TBC1D4: variants seen among roughly 807,000 people sequenced by gnomAD.
TBC1D4 encodes TBC (Tre-2, BUB2, CDC16) domain-containing protein.
In TBC1D4, 121 loss-of-function variants were observed where a neutral mutation model predicts 142.5. The ratio of observed to expected loss-of-function variants is 0.85; its 90% CI spans 0.73 to 0.99. The LOEUF (loss-of-function observed/expected upper bound fraction) is 0.99, where lower values mean the gene tolerates loss of function less well. Among genes scored for constraint, TBC1D4 ranks in the 50% least tolerant of loss-of-function variants. The pLI is 0.00. For missense variants in TBC1D4, 1,475 were observed against 1,606.6 expected (o/e 0.92, Z 1.40); for synonymous variants, 630 against 628.2 (o/e 1.00, Z -0.04).
chr13:75,383,904 A>G (rs1045979107), intron 1 of TBC1D4, among the ~76,000 whole-genome samples: 3 of 152,068 alleles, frequency 2.0e-5, no homozygotes, highest in African/African-American at 7.2e-5. Context: ...TCCTGGGTAC[A>G]TGGCCTACCA....
intron 3 of TBC1D4, among the ~76,000 whole-genome samples, chr13:75,357,832 C>T (rs1472267493): frequency 6.6e-6 from 1 of 152,126 alleles, no homozygotes; most frequent in East Asian, 1.9e-4. Context: ...TGACAATTAC[C>T]TCAATGAAAG....
At chr13:75,419,665 AGT>A (rs1441916273) in intron 1 of TBC1D4, among the ~76,000 whole-genome samples, 1 of 152,230 alleles carries the variant, frequency 6.6e-6, no homozygotes, top group Non-Finnish European at 1.5e-5. Flanking sequence ...GGGAGGCTGA[AGT>A]GGGCATCACA....
intron 20 of TBC1D4, among the ~76,000 whole-genome samples, chr13:75,287,472 G>A (rs952466051): frequency 6.6e-6 from 1 of 152,156 alleles, no homozygotes; most frequent in Non-Finnish European, 1.5e-5. Flanking sequence ...AGTAACTGAT[G>A]ATGACTACAC....
intron 1 of TBC1D4, among the ~76,000 whole-genome samples, chr13:75,471,923 G>A (rs1451709581): frequency 1.3e-5 from 2 of 150,444 alleles, no homozygotes; most frequent in East Asian, 2.0e-4. Flanking sequence ...CCTGGTCAAC[G>A]TGGTAAAACC....
chr13:75,398,103 T>C (rs4605022), intron 1 of TBC1D4, among the ~76,000 whole-genome samples: 137,145 of 152,254 alleles, frequency 0.9, 63,352 homozygotes, highest in East Asian at 1. Context: ...AGTCAAGGCT[T>C]CACACACAAG....
At chr13:75,352,632 G>A (rs1881693515) in intron 4 of TBC1D4, among the ~76,000 whole-genome samples, 1 of 152,128 alleles carries the variant, frequency 6.6e-6, no homozygotes, top group African/African-American at 2.4e-5. Flanking sequence ...AGAGGGAGAA[G>A]GAAAGAAGGG....
intron 1 of TBC1D4, among the ~76,000 whole-genome samples, chr13:75,388,722 T>A (rs1342820851): frequency 1.3e-5 from 2 of 152,208 alleles, no homozygotes; most frequent in Non-Finnish European, 2.9e-5. Context: ...GCTGACCCCC[T>A]GAAAATATTT....
Position 75,313,575 on chromosome 13 carries a change from G to A in TBC1D4, c.2223-677C>T, listed in dbSNP as rs146426660. Among the ~76,000 whole-genome samples, 49 of 152,314 alleles carry A rather than the reference G, an allele frequency of 3.2e-4. No individual in the cohort carries two copies. The East Asian group carries it at 6.2e-3, about 19-fold the overall frequency. Reference sequence around the variant, plus strand: ...CTCATTTTTTCACCCAGGCTGGAGCGCAGTGGCGCAATCACAGCTCATTGC... The same window carrying A: ...CTCATTTTTTCACCCAGGCTGGAGCACAGTGGCGCAATCACAGCTCATTGC... On this transcript the variant is annotated intron_variant, in intron 12 of 20. Coordinates refer to ENST00000377636, the MANE Select transcript of TBC1D4 (RefSeq NM_014832.5).
At chr13:75,466,836 AC>A (rs1216701186) in intron 1 of TBC1D4, among the ~76,000 whole-genome samples, 1 of 151,968 alleles carries the variant, frequency 6.6e-6, no homozygotes, top group Non-Finnish European at 1.5e-5. Context: ...ATGCCACTGC[AC>A]TCCAGCCTCG....
intron 1 of TBC1D4, among the ~76,000 whole-genome samples, chr13:75,439,702 G>C (rs1166581889): frequency 6.6e-6 from 1 of 151,980 alleles, no homozygotes; most frequent in Non-Finnish European, 1.5e-5. Flanking sequence ...CTGGAGTGCA[G>C]TGGCGCAGTC....
intron 1 of TBC1D4, among the ~76,000 whole-genome samples, chr13:75,364,234 A>C (rs1446673424): frequency 6.6e-6 from 1 of 152,158 alleles, no homozygotes; most frequent in African/African-American, 2.4e-5. Context: ...TATTTCTCCA[A>C]CATACAAGGC....
intron 13 of TBC1D4, among the ~76,000 whole-genome samples, chr13:75,312,463 G>T (rs1010804438): frequency 6.9e-6 from 1 of 144,956 alleles, no homozygotes; most frequent in Admixed American, 6.7e-5. Flanking sequence ...AGGACATACA[G>T]CTTCTTTCCT....
At chr13:75,404,465 GT>G (rs1885238809) in intron 1 of TBC1D4, among the ~76,000 whole-genome samples, 1 of 152,076 alleles carries the variant, frequency 6.6e-6, no homozygotes, top group Admixed American at 6.6e-5. Flanking sequence ...TTTCTCAGAC[GT>G]TCATTGTTTT....
rs1178917420 is a variant in TBC1D4 at position 75,284,144 on chromosome 13, G to GT, written c.*2647dup. ...GATGGGGTTTCACCATGCAGATCTT[G>GT]TAAAGCAGCGGTCTTCAACCTTCTT... On this transcript the variant is annotated 3_prime_UTR_variant, in exon 21 of 21. Coordinates refer to ENST00000377636, the MANE Select transcript of TBC1D4 (RefSeq NM_014832.5). 1.3e-5 allele frequency among the ~76,000 whole-genome samples: 2 copies of GT among 152,160 alleles called. No homozygotes were observed. The highest frequency in any genetic ancestry group is 2.9e-5 in the Non-Finnish European group (2 of 68,028).
chr13:75,481,540 C>G lies in TBC1D4; in HGVS notation c.228G>C (p.Ala76=), dbSNP rs200505658. 2.6e-4 allele frequency: 422 copies of G among 1,597,636 alleles called. 4 individuals are homozygous for G. The African/African-American group carries it at 4.8e-3, about 18-fold the overall frequency. Residue 76 remains alanine (A), a synonymous_variant, in exon 1 of 21, where the codon GCG becomes GCC. Coordinates refer to ENST00000377636, the MANE Select transcript of TBC1D4 (RefSeq NM_014832.5). ...SQKPEAGGCG[A]PAAREVILVL... is the part of the protein sequence containing the mutation. ...CCAGGATCACCTCTCGGGCCGCCGG[C>G]GCCCCGCAGCCGCCCGCCTCGGGCT...
Position 75,286,934 on chromosome 13 carries a change from T to A in TBC1D4, c.3755A>T (p.Glu1252Val), listed in dbSNP as rs759597608. ...TKMKSLIRTLEQEKMAYQKTV... is the reference protein window; with the variant it reads ...TKMKSLIRTLVQEKMAYQKTV... Reference sequence around the variant, plus strand: ...CTTTTGATAAGCCATTTTTTCTTGTTCCAGGGTCCGGATTAAAGACTTCAT... The same window carrying A: ...CTTTTGATAAGCCATTTTTTCTTGTACCAGGGTCCGGATTAAAGACTTCAT... The change falls in exon 21 of 21, where the codon GAA becomes GTA. Residue 1252 changes from glutamate (E) to valine (V), a missense_variant. Transcript: ENST00000377636. 1.2e-6 allele frequency: 2 copies of A among 1,614,012 alleles called. No homozygotes were observed. The highest frequency in any genetic ancestry group is 2.2e-5 in the South Asian group (2 of 91,076).
Position 75,341,136 on chromosome 13 carries a change from C to A in TBC1D4, c.1600G>T (p.Glu534Ter). The A allele has an allele frequency of 6.2e-7, 1 of 1,613,194 alleles. No individual in the cohort carries two copies. The highest frequency in any genetic ancestry group is 8.5e-7 in the Non-Finnish European group (1 of 1,179,674). ...AAATATCTTCTCACAGAAGGGCCTT[C>A]CCCGATGTGCACGTGTGTCTTCTGC... ...AKQKTHVHIG[E>*]GPSTISNSTI... Residue 534 changes from glutamate (E) to a stop codon, truncating the protein, a stop_gained, in exon 7 of 21, where the codon GAA becomes TAA. Coordinates refer to ENST00000377636, the MANE Select transcript of TBC1D4 (RefSeq NM_014832.5). LOFTEE classifies it high-confidence loss of function.
At position 75,362,103 on chromosome 13, in the gene TBC1D4, GC is replaced by G; in HGVS notation, c.1002del (p.Gln334HisfsTer45). 1 of 1,613,974 alleles carries G rather than the reference GC, an allele frequency of 6.2e-7. No homozygotes were observed. The highest frequency in any genetic ancestry group is 8.5e-7 in the Non-Finnish European group (1 of 1,180,016). On this transcript the variant is annotated frameshift_variant, in exon 2 of 21. Transcript: ENST00000377636. LOFTEE classifies it high-confidence loss of function. The surrounding 1 kb of genome is among the most constrained non-coding windows in gnomAD (Gnocchi z 4.2). ...RRVHEGSQKS[Q>X]PRRRHASAPS... is the part of the protein sequence containing the mutation. ...GGTGCGCTCGCGTGTCTCCGTCGCG[GC>G]TGGGATTTCTGGCTGCCCTCGTGAA...
intron 1 of TBC1D4, among the ~76,000 whole-genome samples, chr13:75,405,767 T>A (rs1105686): frequency 0.48 from 72,994 of 152,056 alleles, 20,861 homozygotes; most frequent in South Asian, 0.67. Context: ...CAAGAACTCA[T>A]TTGTTTAAAG....
Sources: allele counts gnomAD v4.1 joint callset (sites outside exome capture counted in the v4.1 genomes callset), GRCh38; gene constraint gnomAD v4.1.1; non-coding constraint Gnocchi (gnomAD v3.1); transcripts MANE v1.5; gene names NCBI Gene and HGNC (gene_info 2026-07-23, HGNC 2026-07-21).